SORCS3: variants seen among roughly 807,000 people sequenced by gnomAD.
SORCS3 encodes the protein sortilin related VPS10 domain containing receptor 3.
In SORCS3, 57 loss-of-function variants were observed where a neutral mutation model predicts 146.3. The observed-to-expected ratio is 0.39, with a 90% confidence interval of 0.31 to 0.49. The LOEUF (loss-of-function observed/expected upper bound fraction) is 0.49. SORCS3 is among the 20% of genes least tolerant of loss of function. The pLI is 0.92. For missense variants in SORCS3, 1,341 were observed against 1,575.5 expected, an observed-to-expected ratio of 0.85 and a Z score of 2.52; for synonymous variants, 653 against 618.5, an observed-to-expected ratio of 1.06 and a Z score of -0.83.
At position 105,247,307 on chromosome 10, in the gene SORCS3, T is replaced by C. The variant is rs1347727067; in HGVS notation, c.3081T>C (p.Asn1027=). 1 of 1,609,960 alleles carries C rather than the reference T, an allele frequency of 6.2e-7. No individual in the cohort carries two copies. The highest frequency in any genetic ancestry group is 8.5e-7 in the Non-Finnish European group (1 of 1,176,436). ...CTGAGTGGAGAAAAGATATTGGCAA[T>C]GTCATCAAGCGAGCTCTGGTTAAAG... ...DIPEWRKDIG[N]VIKRALVKVT... Residue 1027 remains asparagine (N), a synonymous_variant, in exon 22 of 27, where the codon AAT becomes AAC. Coordinates refer to ENST00000369701, the MANE Select transcript of SORCS3 (RefSeq NM_014978.3).
chr10:105,069,065 C>T (rs2133724453), intron 5 of SORCS3, among the ~76,000 whole-genome samples: 1 of 152,250 alleles, frequency 6.6e-6, no homozygotes, highest in South Asian at 2.1e-4. Context: ...CAATATTATA[C>T]AAATCCTTTA....
chr10:105,262,316 T>C lies in SORCS3; in HGVS notation c.3444-15T>C. The C allele has an allele frequency of 1.2e-6, 2 of 1,610,748 alleles. No homozygotes were observed. The highest frequency in any genetic ancestry group is 2.2e-5 in the South Asian group (2 of 90,912). On this transcript the variant is annotated splice_polypyrimidine_tract_variant and intron_variant, in intron 25 of 26. Coordinates refer to ENST00000369701, the MANE Select transcript of SORCS3 (RefSeq NM_014978.3). ...CCCTGTGATCTTAACCTGATTTTGC[T>C]CCTGTCCCATGTAGGAAAATCCCTT... is the stretch of plus-strand genomic sequence containing the variant.
intron 22 of SORCS3, among the ~76,000 whole-genome samples, chr10:105,248,332 C>T (rs905550985): frequency 1.3e-5 from 2 of 152,182 alleles, no homozygotes; most frequent in African/African-American, 4.8e-5. Context: ...TCAATAAATA[C>T]TTGTTGAACT....
Position 104,708,941 on chromosome 10 carries a change from C to T in SORCS3, c.627+66987C>T, listed in dbSNP as rs79999347. The stretch of plus-strand genomic sequence containing the variant: ...AAAAGGGAAAGTGGCAAGAGGGCTG[C>T]GCCTGCTATTATGACATTATGATGG... On this transcript the variant is annotated intron_variant, in intron 1 of 26. Coordinates refer to ENST00000369701, the MANE Select transcript of SORCS3 (RefSeq NM_014978.3). Among the ~76,000 whole-genome samples the T allele has an allele frequency of 5.8e-3, 884 of 152,262 alleles. 8 individuals are homozygous for T. The highest frequency in any genetic ancestry group is 0.02 in the African/African-American group (832 of 41,546).
intron 1 of SORCS3, among the ~76,000 whole-genome samples, chr10:104,661,063 C>A (rs910127114): frequency 6.6e-6 from 1 of 152,182 alleles, no homozygotes; most frequent in African/African-American, 2.4e-5. Context: ...TTTACTGCTA[C>A]AACTCAGTGC....
intron 2 of SORCS3, among the ~76,000 whole-genome samples, chr10:104,868,736 AT>A (rs1477497534): frequency 6.6e-6 from 1 of 152,158 alleles, no homozygotes; most frequent in Non-Finnish European, 1.5e-5. Context: ...GATGCTGGGA[AT>A]TTGAGTCCCT....
intron 3 of SORCS3, among the ~76,000 whole-genome samples, chr10:104,968,193 G>A (rs2054837477): frequency 6.6e-6 from 1 of 152,244 alleles, no homozygotes; most frequent in African/African-American, 2.4e-5. Flanking sequence ...TCGGCTCACT[G>A]CAACCTCTGC....
intron 4 of SORCS3, among the ~76,000 whole-genome samples, chr10:105,012,712 T>C (rs1462466935): frequency 1.3e-5 from 2 of 152,136 alleles, no homozygotes; most frequent in Non-Finnish European, 1.5e-5. Flanking sequence ...AAGTAAATTA[T>C]CATCTCAAGA....
chr10:104,808,404 A>G (rs146539745), intron 1 of SORCS3, among the ~76,000 whole-genome samples: 1 of 152,346 alleles, frequency 6.6e-6, no homozygotes, highest in Non-Finnish European at 1.5e-5. Flanking sequence ...AGAAGCATGC[A>G]TAGAGCACAG....
chr10:105,010,038 A>T (rs991360959), intron 4 of SORCS3, among the ~76,000 whole-genome samples: 8 of 152,198 alleles, frequency 5.3e-5, no homozygotes, highest in African/African-American at 1.4e-4. Flanking sequence ...CACAATCAGA[A>T]CAGAAATCTG....
chr10:104,657,807 C>G (rs940303910), intron 1 of SORCS3, among the ~76,000 whole-genome samples: 5 of 152,122 alleles, frequency 3.3e-5, no homozygotes, highest in Non-Finnish European at 5.9e-5. Flanking sequence ...GTGAGAAATA[C>G]AGGGCCAGGG....
chr10:105,090,064 C>T (rs991659694), intron 6 of SORCS3, among the ~76,000 whole-genome samples: 1 of 152,116 alleles, frequency 6.6e-6, no homozygotes, highest in African/African-American at 2.4e-5. Flanking sequence ...TGAGTTAATG[C>T]AATGAATTTT....
At chr10:105,032,400 A>G (rs2055274948) in intron 4 of SORCS3, among the ~76,000 whole-genome samples, 2 of 152,250 alleles carry the variant, frequency 1.3e-5, no homozygotes, top group South Asian at 2.1e-4. Flanking sequence ...CAACATACAT[A>G]GAAATGCCTG....
intron 4 of SORCS3, among the ~76,000 whole-genome samples, chr10:105,041,081 AT>A (rs1182512190): frequency 6.8e-6 from 1 of 147,672 alleles, no homozygotes; most frequent in Non-Finnish European, 1.5e-5. Flanking sequence ...GTATGTATGT[AT>A]ATATATTTAT....
intron 7 of SORCS3, among the ~76,000 whole-genome samples, chr10:105,111,490 C>T (rs1209207959): frequency 6.6e-6 from 1 of 152,130 alleles, no homozygotes; most frequent in Non-Finnish European, 1.5e-5. Flanking sequence ...AGTTAGTTAT[C>T]TTTTTCAAGC....
intron 5 of SORCS3, among the ~76,000 whole-genome samples, chr10:105,062,752 A>G (rs927594554): frequency 1.3e-5 from 2 of 152,246 alleles, no homozygotes; most frequent in South Asian, 4.1e-4. Flanking sequence ...TTCTGTACTG[A>G]ACCCCACCCT....
intron 1 of SORCS3, among the ~76,000 whole-genome samples, chr10:104,750,601 G>A (rs996054605): frequency 6.6e-6 from 1 of 152,126 alleles, no homozygotes; most frequent in Admixed American, 6.5e-5. Context: ...CAAATAATAC[G>A]AAGACAGGAT....
At chr10:104,793,261 C>T (rs2017515191) in intron 1 of SORCS3, among the ~76,000 whole-genome samples, 1 of 152,182 alleles carries the variant, frequency 6.6e-6, no homozygotes, top group South Asian at 2.1e-4. Context: ...TCCTTTTGCC[C>T]AAGGTCATAC....
intron 3 of SORCS3, among the ~76,000 whole-genome samples, chr10:104,952,719 C>T (rs2019445636): frequency 6.6e-6 from 1 of 152,162 alleles, no homozygotes; most frequent in African/African-American, 2.4e-5. Context: ...TGCATGCACA[C>T]ACAGACAACA....
Sources: gnomAD v4.1 joint callset for allele counts (sites outside exome capture counted in the v4.1 genomes callset) on GRCh38, gnomAD v4.1.1 for gene constraint, MANE v1.5 for transcripts, NCBI Gene and HGNC (gene_info 2026-07-23, HGNC 2026-07-21) for gene names.